ASH1L: variants seen among roughly 807,000 people sequenced by gnomAD.
ASH1L encodes ASH1 like histone lysine methyltransferase.
A neutral mutation model predicts 269.0 loss-of-function variants in ASH1L; 23 were observed. That is an observed-to-expected ratio of 0.09 (90% CI 0.06 to 0.12). The LOEUF is 0.12. Ranked by LOEUF, ASH1L falls within the 10% of genes least tolerant of loss-of-function variation. The pLI, the probability that ASH1L is intolerant of heterozygous loss-of-function variation, is 1.00. For synonymous variants in ASH1L, 1,187 were observed against 1,253.5 expected (o/e 0.95, Z 1.12); for missense variants, 2,912 against 3,567.8 (o/e 0.82, Z 4.68).
chr1:155,485,330 T>G (rs1473075762), intron 2 of ASH1L, among the ~76,000 whole-genome samples: 1 of 152,088 alleles, frequency 6.6e-6, no homozygotes, highest in East Asian at 1.9e-4. Context: ...TTTTTATTTT[T>G]TTTTAAGAGA....
intron 1 of ASH1L, among the ~76,000 whole-genome samples, chr1:155,540,596 C>A (rs1418720287): frequency 2.6e-5 from 4 of 152,114 alleles, no homozygotes; most frequent in African/African-American, 9.7e-5. Context: ...CAGCAAAACC[C>A]CATCTCTACA....
chr1:155,431,738 G>A (rs1661624812), intron 5 of ASH1L, among the ~76,000 whole-genome samples: 1 of 152,058 alleles, frequency 6.6e-6, no homozygotes, highest in South Asian at 2.1e-4. Flanking sequence ...AGTCCAGCCT[G>A]GGGGACGCAG....
chr1:155,338,430 G>A (rs1652499150), intron 26 of ASH1L, 40 bp from the exon 27 acceptor site: 1 of 1,576,538 alleles, frequency 6.3e-7, no homozygotes, highest in Non-Finnish European at 8.6e-7. Context: ...AGACACTTGA[G>A]GAGGAAAAGG....
chr1:155,470,853 A>G (rs1336390305), intron 3 of ASH1L, among the ~76,000 whole-genome samples: 1 of 152,152 alleles, frequency 6.6e-6, no homozygotes, highest in Non-Finnish European at 1.5e-5. Flanking sequence ...CTGGCACACA[A>G]TAGGCACAAA....
intron 12 of ASH1L, among the ~76,000 whole-genome samples, chr1:155,362,128 C>T (rs926658719): frequency 3.3e-5 from 5 of 151,882 alleles, no homozygotes; most frequent in African/African-American, 4.8e-5. Context: ...CTCCAACTCC[C>T]GGGTTCAAGA....
chr1:155,364,648 T>C (rs1655244933), intron 12 of ASH1L, among the ~76,000 whole-genome samples: 1 of 152,056 alleles, frequency 6.6e-6, no homozygotes, highest in Admixed American at 6.6e-5. Context: ...TTTTAAAAAC[T>C]GGCTTGTCAG....
intron 1 of ASH1L, among the ~76,000 whole-genome samples, chr1:155,555,328 C>G (rs1671510550): frequency 6.6e-6 from 1 of 151,234 alleles, no homozygotes; most frequent in Admixed American, 6.6e-5. Context: ...GAAACCCGGT[C>G]TCTACTAAAA....
At chr1:155,435,807 T>A (rs1268753465) in intron 5 of ASH1L, among the ~76,000 whole-genome samples, 2 of 152,180 alleles carry the variant, frequency 1.3e-5, no homozygotes, top group Non-Finnish European at 2.9e-5. Context: ...TCCCAGCACT[T>A]TGGGAGGCTG....
At chr1:155,405,250 G>C (rs755424890) in intron 6 of ASH1L, among the ~76,000 whole-genome samples, 27 of 122,932 alleles carry the variant, frequency 2.2e-4, no homozygotes, top group African/African-American at 4.0e-4. Context: ...GGGGGCTGAG[G>C]GGGGGGCAGA....
At chr1:155,493,801 G>A (rs1361277254) in intron 2 of ASH1L, among the ~76,000 whole-genome samples, 1 of 152,216 alleles carries the variant, frequency 6.6e-6, no homozygotes, top group East Asian at 1.9e-4. Flanking sequence ...TTGAACCAGG[G>A]AGGCAGAGGT....
intron 5 of ASH1L, among the ~76,000 whole-genome samples, chr1:155,425,548 C>G (rs1454261530): frequency 6.6e-6 from 1 of 151,454 alleles, no homozygotes; most frequent in Non-Finnish European, 1.5e-5. Flanking sequence ...AAGCGATTCT[C>G]CTGCCTCAGA....
rs748230071 is a variant in ASH1L, at chr1:155,338,402, A to G, written c.8502-12T>C. 3.7e-6 allele frequency: 6 copies of G among 1,607,068 alleles called. No individual in the cohort carries two copies. The East Asian group carries it at 1.1e-4, about 30-fold the overall frequency. Reference sequence around the variant, plus strand: ...ACTTCCAGGATGATCTGCCAGAAGGATATCTGAATTTAGTGTAAGACACTT... The same window carrying G: ...ACTTCCAGGATGATCTGCCAGAAGGGTATCTGAATTTAGTGTAAGACACTT... On this transcript the variant is annotated splice_polypyrimidine_tract_variant and intron_variant, in intron 26 of 27. Coordinates refer to ENST00000392403, the MANE Select transcript of ASH1L (RefSeq NM_018489.3).
At position 155,371,560 on chromosome 1, in the gene ASH1L, T is replaced by A. The variant is rs541780344; in HGVS notation, c.6333-577A>T. 7.9e-5 allele frequency among the ~76,000 whole-genome samples: 12 copies of A among 151,906 alleles called. No individual in the cohort carries two copies. In the South Asian group the frequency reaches 8.3e-4, roughly 11 times the overall value. ...GAGACTCCGTCTCAAAATAAATAAA[T>A]AAAATAAATAAATAAATAACTGTGA... On this transcript the variant is annotated intron_variant, in intron 10 of 27. Transcript: ENST00000392403.
At chr1:155,349,959 T>G (rs1274158804) in intron 17 of ASH1L, among the ~76,000 whole-genome samples, 5 of 147,682 alleles carry the variant, frequency 3.4e-5, no homozygotes, top group Non-Finnish European at 7.5e-5. Flanking sequence ...GCGTGATCTT[T>G]GCTCACTGCA....
intron 2 of ASH1L, among the ~76,000 whole-genome samples, chr1:155,507,602 T>C (rs1174101528): frequency 6.6e-6 from 1 of 152,202 alleles, no homozygotes; most frequent in Non-Finnish European, 1.5e-5. Flanking sequence ...CCAAATGCAG[T>C]GGCTCACGCC....
At chr1:155,482,650 C>T (rs1666039399) in intron 2 of ASH1L, among the ~76,000 whole-genome samples, 1 of 152,132 alleles carries the variant, frequency 6.6e-6, no homozygotes, top group Admixed American at 6.5e-5. Flanking sequence ...GGTATATTAT[C>T]TTTGTTGACT....
At chr1:155,362,700 G>GA (rs887394097) in intron 12 of ASH1L, among the ~76,000 whole-genome samples, 23 of 151,880 alleles carry the variant, frequency 1.5e-4, no homozygotes, top group Non-Finnish European at 8.8e-5. Flanking sequence ...CAATCCTATA[G>GA]AAAAAACCCC....
intron 26 of ASH1L, 63 bp from the exon 27 acceptor site, chr1:155,338,453 G>A (rs1652501398): frequency 6.6e-7 from 1 of 1,511,154 alleles, no homozygotes; most frequent in East Asian, 2.3e-5. Context: ...ATGAAGGGTA[G>A]GAGGCCTCAA....
Position 155,338,200 on chromosome 1 carries a change from T to A in ASH1L, c.8692A>T (p.Ser2898Cys). ...VSEGEKKTEE[S>C]SQEPQSTCTP... ...CAGGTTGACTGGGGTTCTTGACTAC[T>A]TTCCTCTGTTTTTTTTTCACCCTCA... The change falls in exon 27 of 28, where the codon AGT becomes TGT. Residue 2898 changes from serine to cysteine, a missense_variant. Around this residue, in one of 13 missense-constraint regions of ASH1L, gnomAD observed 154 missense variants for 165.0 expected, o/e 0.93. Transcript: ENST00000392403. 3 of 1,614,158 alleles carry A rather than the reference T, an allele frequency of 1.9e-6. No homozygotes were observed. Among genetic ancestry groups the A allele is most frequent in the Non-Finnish European group, 2.5e-6 (3 of 1,180,024 alleles).
Sources: gnomAD v4.1 joint callset for allele counts (sites outside exome capture counted in the v4.1 genomes callset) on GRCh38, gnomAD v4.1.1 for gene constraint, gnomAD v4.1.1 regional missense constraint, MANE v1.5 for transcripts, NCBI Gene and HGNC (gene_info 2026-07-23, HGNC 2026-07-21) for gene names.